TPRG1: variants seen among roughly 807,000 people sequenced by gnomAD.
TPRG1 encodes tumor protein p63-regulated gene 1 protein.
A neutral mutation model predicts 29.3 loss-of-function variants in TPRG1; 29 were observed. That is an observed-to-expected ratio of 0.99 (90% CI 0.74 to 1.35). TPRG1 has a LOEUF of 1.35. TPRG1 is among the 40% of genes most tolerant of loss of function. The pLI is 0.00. For missense variants in TPRG1, 327 were observed against 335.0 expected, an observed-to-expected ratio of 0.98 and a Z score of 0.19; for synonymous variants, 130 against 116.8, an observed-to-expected ratio of 1.11 and a Z score of -0.73.
intron 3 of TPRG1, among the ~76,000 whole-genome samples, chr3:189,224,574 G>T (rs1737429501): frequency 6.6e-6 from 1 of 152,156 alleles, no homozygotes; most frequent in Admixed American, 6.5e-5. Context: ...ATCACAAACA[G>T]TTCAATGTGG....
At chr3:189,280,682 G>C (rs1003697591) in intron 4 of TPRG1, among the ~76,000 whole-genome samples, 1 of 152,176 alleles carries the variant, frequency 6.6e-6, no homozygotes, top group Non-Finnish European at 1.5e-5. Context: ...CTCGAAGACA[G>C]ATAGCCTGGG....
intron 4 of TPRG1, among the ~76,000 whole-genome samples, chr3:189,290,485 A>G (rs1016945376): frequency 2.6e-5 from 4 of 152,262 alleles, no homozygotes; most frequent in Admixed American, 6.5e-5. Flanking sequence ...GCACATTAAC[A>G]TAGAAAGCTT....
intron 1 of TPRG1, among the ~76,000 whole-genome samples, chr3:189,113,891 AC>A (rs1560457252): frequency 6.6e-6 from 1 of 151,164 alleles, no homozygotes; most frequent in African/African-American, 2.5e-5. Flanking sequence ...CACATTGTGC[AC>A]ATGTACCCTA....
chr3:189,215,716 A>T (rs991499479), intron 3 of TPRG1, among the ~76,000 whole-genome samples: 3 of 152,120 alleles, frequency 2.0e-5, no homozygotes, highest in Non-Finnish European at 4.4e-5. Flanking sequence ...CCCCCTATAA[A>T]CACATTGAAC....
At chr3:189,142,374 A>G (rs1724689499) in intron 3 of TPRG1, among the ~76,000 whole-genome samples, 1 of 152,116 alleles carries the variant, frequency 6.6e-6, no homozygotes, top group Non-Finnish European at 1.5e-5. Flanking sequence ...TCTTTTTTTA[A>G]AACCCATATC....
At chr3:189,016,828 C>G (rs59164248) in intron 3 of TPRG1, among the ~76,000 whole-genome samples, 6,212 of 152,190 alleles carry the variant, frequency 0.041, 413 homozygotes, top group African/African-American at 0.14. Flanking sequence ...TCCTGAGGCC[C>G]CCCAGTCATG....
intron 4 of TPRG1, among the ~76,000 whole-genome samples, chr3:189,266,310 G>A (rs981583740): frequency 6.6e-6 from 1 of 152,162 alleles, no homozygotes; most frequent in African/African-American, 2.4e-5. Context: ...GTTCCTCTAT[G>A]TGTATTATTT....
At chr3:189,178,298 G>A (rs1729759190) in intron 1 of TPRG1, among the ~76,000 whole-genome samples, 1 of 152,210 alleles carries the variant, frequency 6.6e-6, no homozygotes, top group African/African-American at 2.4e-5. Context: ...GGAGGCCAAG[G>A]TGGGCAGATC....
chr3:189,193,289 C>A (rs1381726527), intron 1 of TPRG1, among the ~76,000 whole-genome samples: 1 of 151,910 alleles, frequency 6.6e-6, no homozygotes, highest in Non-Finnish European at 1.5e-5. Context: ...GTGCATGATA[C>A]CATGTCCAAC....
At chr3:189,166,787 G>A (rs567740268) in intron 5 of TPRG1, among the ~76,000 whole-genome samples, 3 of 152,188 alleles carry the variant, frequency 2.0e-5, no homozygotes, top group South Asian at 2.1e-4. Flanking sequence ...ACTTTAGGTA[G>A]GAAGAAAAAA....
At chr3:189,089,182 C>T (rs1346738333) in intron 4 of TPRG1, among the ~76,000 whole-genome samples, 1 of 151,784 alleles carries the variant, frequency 6.6e-6, no homozygotes, top group Admixed American at 6.6e-5. Flanking sequence ...GGAAGCTGTC[C>T]ATCAAAAAAC....
At chr3:189,315,396 CTG>C (rs1363687727) in intron 5 of TPRG1, 1 of 417,544 alleles carries the variant, frequency 2.4e-6, no homozygotes, top group Non-Finnish European at 4.8e-6. Flanking sequence ...ATCTCAAAAC[CTG>C]GCTCAATTAT....
chr3:189,299,566 G>T (rs138769907), intron 4 of TPRG1, among the ~76,000 whole-genome samples: 426 of 150,996 alleles, frequency 2.8e-3, no homozygotes, highest in African/African-American at 6.7e-3. Context: ...AATAAAAACA[G>T]CTGGAGTCAG....
At chr3:189,194,558 T>C (rs140145100) in intron 1 of TPRG1, among the ~76,000 whole-genome samples, 5 of 152,272 alleles carry the variant, frequency 3.3e-5, no homozygotes, top group Admixed American at 1.3e-4. Context: ...TCCTAACAGC[T>C]TGGGCTCAGG....
chr3:189,019,091 G>A (rs1713131672), intron 3 of TPRG1, among the ~76,000 whole-genome samples: 1 of 151,508 alleles, frequency 6.6e-6, no homozygotes, highest in African/African-American at 2.4e-5. Flanking sequence ...TGTATCCTGA[G>A]ACTTTGCTGA....
chr3:189,259,055 C>T (rs966559088), intron 4 of TPRG1, among the ~76,000 whole-genome samples: 1 of 152,194 alleles, frequency 6.6e-6, no homozygotes, highest in African/African-American at 2.4e-5. Context: ...ATGAAAAAAA[C>T]TCCTGCAGCT....
chr3:189,085,221 G>C (rs755570253), intron 4 of TPRG1, among the ~76,000 whole-genome samples: 21 of 152,194 alleles, frequency 1.4e-4, no homozygotes, highest in Non-Finnish European at 7.3e-5. Context: ...TCCTATAGGT[G>C]GGGTGAGGTG....
chr3:189,239,381 C>T (rs191255521), intron 4 of TPRG1, among the ~76,000 whole-genome samples: 20 of 152,244 alleles, frequency 1.3e-4, no homozygotes, highest in South Asian at 2.1e-4. Context: ...GGTTCCCTCC[C>T]ACAACACATG....
intron 3 of TPRG1, among the ~76,000 whole-genome samples, chr3:189,142,345 T>C (rs549083028): frequency 3.3e-5 from 5 of 152,274 alleles, no homozygotes; most frequent in African/African-American, 1.2e-4. Context: ...ACTGAAGATA[T>C]GCTAGATTGT....
Sources: gnomAD v4.1 joint callset for allele counts (sites outside exome capture counted in the v4.1 genomes callset) on GRCh38, gnomAD v4.1.1 for gene constraint, MANE v1.5 for transcripts, NCBI Gene and HGNC (gene_info 2026-07-23, HGNC 2026-07-21) for gene names.